Variants in AK6 observed in about 807,000 individuals in gnomAD.
The protein encoded by AK6 is adenylate kinase 6, also known as adenylate kinase isoenzyme 6.
A neutral mutation model predicts 23.7 loss-of-function variants in AK6; 24 were observed. The observed-to-expected ratio is 1.01, with a 90% CI of 0.73 to 1.43. The LOEUF is 1.43. Among genes scored for constraint, AK6 ranks in the 40% most tolerant of loss-of-function variants. The pLI, the probability that AK6 is intolerant of heterozygous loss-of-function variation, is 0.00. For missense variants in AK6, 191 were observed against 199.1 expected (o/e 0.96, Z 0.24); for synonymous variants, 73 against 69.8 (o/e 1.05, Z -0.23).
chr5:69,356,069 A>G, intron 2 of AK6, 116 bp from the exon 3 acceptor site: 1 of 830,396 alleles, frequency 1.2e-6, no homozygotes, highest in South Asian at 1.9e-5. Context: ...TTTAGATACA[A>G]GGGTGGATAC....
chr5:69,354,985 G>A (rs73113039), intron 4 of AK6, among the ~76,000 whole-genome samples: 2,110 of 152,076 alleles, frequency 0.014, 46 homozygotes, highest in African/African-American at 0.048. Context: ...CTGCCACCAT[G>A]CCCGGCTAAT....
Position 69,363,106 on chromosome 5 carries a change from T to C in AK6, c.121+3397A>G, listed in dbSNP as rs560565263. Among the ~76,000 whole-genome samples the C allele has an allele frequency of 9.9e-5, 15 of 152,220 alleles. No homozygotes were observed. The South Asian group carries it at 2.7e-3, about 27-fold the overall frequency. ...AGCCCGGCAGGATGGTGTGTGCCTG[T>C]AGTCCCAGCTACAAGGGAGGCTGAG... On this transcript the variant is annotated intron_variant, in intron 2 of 4. Coordinates refer to ENST00000380822, the MANE Select transcript of AK6 (RefSeq NM_016283.5).
chr5:69,353,649 A>G (rs963515857), intron 4 of AK6, among the ~76,000 whole-genome samples: 2 of 152,186 alleles, frequency 1.3e-5, no homozygotes, highest in African/African-American at 4.8e-5. Flanking sequence ...TTTGATATAC[A>G]AAAAAACAAA....
chr5:69,369,816 C>G (rs911339377), upstream of AK6: 7 of 1,098,870 alleles, frequency 6.4e-6, no homozygotes, highest in Admixed American at 1.2e-4. Context: ...CCCCGGGAGG[C>G]CGTACCTCCG....
intron 4 of AK6, 148 bp from the exon 5 acceptor site, chr5:69,352,401 T>C: frequency 1.8e-6 from 1 of 564,594 alleles, no homozygotes; most frequent in Non-Finnish European, 3.1e-6. Flanking sequence ...CTGGTACCTG[T>C]TTATATGACA....
At chr5:69,369,415 C>CG in intron 1 of AK6, 48 bp downstream of exon 1, 1 of 1,597,814 alleles carries the variant, frequency 6.3e-7, no homozygotes. Flanking sequence ...GAGCACTCTG[C>CG]GCCCCCAGCC....
At position 69,361,507 on chromosome 5, in the gene AK6, C is replaced by T. The variant is rs1441310363; in HGVS notation, c.121+4996G>A. Among the ~76,000 whole-genome samples, 5 of 151,944 alleles carry T rather than the reference C, an allele frequency of 3.3e-5. No homozygotes were observed. In the East Asian group the frequency reaches 7.8e-4, roughly 24 times the overall value. On this transcript the variant is annotated intron_variant, in intron 2 of 4. Transcript: ENST00000380822. ...AGACTGGAGTACAGTGGCATGATCT[C>T]GGTTCACTGCAACCTCCACCTCCCA...
Position 69,355,528 on chromosome 5 carries a change from C to G in AK6, c.326+121G>C, listed in dbSNP as rs951352761. 5.1e-6 allele frequency: 6 copies of G among 1,174,278 alleles called. No homozygotes were observed. In the South Asian group the frequency reaches 5.1e-5, roughly 10 times the overall value. 72.7% of individuals were successfully genotyped at this position (1,174,278 alleles called of 1,614,324 possible). A position where few individuals can be genotyped will look rare whatever the true frequency, so the allele number is the denominator to read the frequency against. ...CCTGGGTGACAGCGAGACTCTATCT[C>G]AAAAAAACAAAACAAAACAAAACAA... On this transcript the variant is annotated intron_variant, in intron 4 of 4. Coordinates refer to ENST00000380822, the MANE Select transcript of AK6 (RefSeq NM_016283.5).
intron 2 of AK6, among the ~76,000 whole-genome samples, chr5:69,364,169 G>T (rs909560658): frequency 3.3e-5 from 5 of 151,600 alleles, no homozygotes; most frequent in African/African-American, 1.2e-4. Context: ...CTATAACCTT[G>T]ATAAATTGAC....
At position 69,351,594 on chromosome 5, in the gene AK6, G is replaced by A. The variant is rs1374672048; in HGVS notation, c.*467C>T. ...ATTTCCTAAAGGGAAGGAACCTGGG[G>A]TGCCTGGGGATAGGGTGGTCTGGAA... On this transcript the variant is annotated 3_prime_UTR_variant, in exon 5 of 5. Transcript: ENST00000380822. 6.6e-6 allele frequency: 1 copy of A among 152,662 alleles called. No individual in the cohort carries two copies. The highest frequency in any genetic ancestry group is 6.5e-5 in the Admixed American group (1 of 15,274). The allele number at this position is 152,662 out of a possible 1,614,324, so 9.5% of individuals were successfully genotyped here. A position where few individuals can be genotyped will look rare whatever the true frequency, so the allele number is the denominator to read the frequency against.
At chr5:69,363,522 C>A (rs536440947) in intron 2 of AK6, among the ~76,000 whole-genome samples, 25 of 152,304 alleles carry the variant, frequency 1.6e-4, no homozygotes, top group African/African-American at 5.8e-4. Flanking sequence ...CGGTGGCCCA[C>A]GCCTGTAATC....
At chr5:69,367,381 G>C (rs1217218495) in intron 1 of AK6, among the ~76,000 whole-genome samples, 3 of 151,462 alleles carry the variant, frequency 2.0e-5, no homozygotes, top group Admixed American at 6.6e-5. Context: ...GTGGTGGCGC[G>C]TGCCTGTAAT....
At chr5:69,354,877 G>C (rs1224542623) in intron 4 of AK6, among the ~76,000 whole-genome samples, 1 of 152,150 alleles carries the variant, frequency 6.6e-6, no homozygotes, top group Middle Eastern at 3.2e-3. Context: ...CCAGGCTGGA[G>C]TGCAGTGGTG....
chr5:69,356,087 A>G lies in AK6; in HGVS notation c.122-134T>C, dbSNP rs914517012. 4 of 703,844 alleles carry G rather than the reference A, an allele frequency of 5.7e-6. No homozygotes were observed. The African/African-American group carries it at 7.2e-5, about 13-fold the overall frequency. 43.6% of individuals were successfully genotyped at this position (703,844 alleles called of 1,614,324 possible). A position where few individuals can be genotyped will look rare whatever the true frequency, so the allele number is the denominator to read the frequency against. ...AGATACAAGGGTGGATACTAACAAAATAAATGTTACATAAACACCAAATAT... is the reference window on the plus strand; with the variant it reads ...AGATACAAGGGTGGATACTAACAAAGTAAATGTTACATAAACACCAAATAT... On this transcript the variant is annotated intron_variant, in intron 2 of 4. Transcript: ENST00000380822.
At chr5:69,358,471 T>C (rs1303956571) in intron 2 of AK6, among the ~76,000 whole-genome samples, 3 of 127,434 alleles carry the variant, frequency 2.4e-5, no homozygotes, top group African/African-American at 9.2e-5. Flanking sequence ...TGAGCTGAGA[T>C]CGCGCCACTG....
chr5:69,355,615 A>T lies in AK6; in HGVS notation c.326+34T>A, dbSNP rs1762062767. ...AGAAATCTGAATAAAAGTTAACATT[A>T]TGCTTTAAGAATCTAATGTTTTTCC... is the stretch of plus-strand genomic sequence containing the variant. On this transcript the variant is annotated intron_variant, in intron 4 of 4. Transcript: ENST00000380822. 5 of 1,551,510 alleles carry T rather than the reference A, an allele frequency of 3.2e-6. No homozygotes were observed. In the East Asian group the frequency reaches 1.1e-4, roughly 35 times the overall value.
At chr5:69,356,974 T>C (rs1762099725) in intron 2 of AK6, among the ~76,000 whole-genome samples, 1 of 152,222 alleles carries the variant, frequency 6.6e-6, no homozygotes, top group Non-Finnish European at 1.5e-5. Flanking sequence ...ATCTTACCCT[T>C]AGCCCCAGCC....
chr5:69,369,349 T>G, intron 1 of AK6, 114 bp downstream of exon 1: 1 of 1,183,088 alleles, frequency 8.5e-7, no homozygotes, highest in Non-Finnish European at 1.1e-6. Flanking sequence ...CTCGTGGCCC[T>G]CGGCCGGCCT....
chr5:69,359,917 C>T (rs1762184692), intron 2 of AK6, among the ~76,000 whole-genome samples: 1 of 152,172 alleles, frequency 6.6e-6, no homozygotes, highest in African/African-American at 2.4e-5. Context: ...TGAAGTTAGA[C>T]AGCCAAAGAT....
Sources: gnomAD v4.1 joint callset for allele counts (sites outside exome capture counted in the v4.1 genomes callset) on GRCh38, gnomAD v4.1.1 for gene constraint, MANE v1.5 for transcripts, NCBI Gene and HGNC (gene_info 2026-07-23, HGNC 2026-07-21) for gene names.